Variants in ZNF516 observed in about 807,000 individuals in gnomAD.
ZNF516 encodes the protein zinc finger protein 516.
ZNF516 carries 19 observed loss-of-function variants against 79.7 expected under a neutral mutation model. The ratio of observed to expected loss-of-function variants is 0.24; its 90% CI spans 0.17 to 0.35. The LOEUF is 0.35. Among genes scored for constraint, ZNF516 ranks in the 10% least tolerant of loss-of-function variants. The probability of loss-of-function intolerance (pLI) is 1.00; values close to 1 mark genes in which losing one functional copy is unlikely to be tolerated. For synonymous variants in ZNF516, 877 were observed against 739.5 expected, an observed-to-expected ratio of 1.19 and a Z score of -3.02; for missense variants, 1,678 against 1,679.5, an observed-to-expected ratio of 1.00 and a Z score of 0.02.
At chr18:76,405,574 C>A (rs1328945660) in intron 3 of ZNF516, among the ~76,000 whole-genome samples, 1 of 152,090 alleles carries the variant, frequency 6.6e-6, no homozygotes, top group African/African-American at 2.4e-5. Context: ...TTCCCTTCTA[C>A]CCCTTTCACT....
Position 76,378,966 on chromosome 18 carries a change from C to G in ZNF516, c.3148G>C (p.Gly1050Arg). ...HSIKQEPVAE[G>R]HEKRLDILNI... Reference sequence around the variant, plus strand: ...AGGATGTCCAGGCGCTTCTCATGCCCCTCGGCCACCGGCTCCTGTTTGATG... The same window carrying G: ...AGGATGTCCAGGCGCTTCTCATGCCGCTCGGCCACCGGCTCCTGTTTGATG... The change falls in exon 4 of 7, where the codon GGG becomes CGG. Residue 1050 changes from glycine (G) to arginine (R), a missense_variant. Physicochemically the swap from Gly to Arg is moderately radical, Grantham distance 125 (BLOSUM62 -2). Coordinates refer to ENST00000443185, the MANE Select transcript of ZNF516 (RefSeq NM_014643.4). 1 of 1,613,740 alleles carries G rather than the reference C, an allele frequency of 6.2e-7. No individual in the cohort carries two copies. Among genetic ancestry groups the G allele is most frequent in the East Asian group, 2.2e-5 (1 of 44,866 alleles).
At chr18:76,492,819 G>T in intron 1 of ZNF516, 1 of 986,126 alleles carries the variant, frequency 1.0e-6, no homozygotes, top group Non-Finnish European at 1.2e-6. Context: ...CGGAGGGGGA[G>T]GCGCTCCGTG....
intron 2 of ZNF516, among the ~76,000 whole-genome samples, chr18:76,456,526 C>A (rs1389456454): frequency 2.0e-5 from 3 of 152,158 alleles, no homozygotes; most frequent in African/African-American, 7.2e-5. Flanking sequence ...GGAGTCCACC[C>A]AAGTCCAGAG....
intron 2 of ZNF516, among the ~76,000 whole-genome samples, chr18:76,458,825 G>C (rs529476084): frequency 6.7e-6 from 1 of 148,706 alleles, no homozygotes; most frequent in Non-Finnish European, 1.5e-5. Flanking sequence ...GTGCGTGTGC[G>C]TGCCTCACCG....
At chr18:76,364,022 T>C (rs867796992) in intron 6 of ZNF516, among the ~76,000 whole-genome samples, 1 of 152,194 alleles carries the variant, frequency 6.6e-6, no homozygotes, top group African/African-American at 2.4e-5. Flanking sequence ...CAGACTTGCA[T>C]TGGGTTAGGC....
intron 3 of ZNF516, among the ~76,000 whole-genome samples, chr18:76,438,245 G>A (rs1215017637): frequency 1.3e-5 from 2 of 152,186 alleles, no homozygotes; most frequent in African/African-American, 4.8e-5. Flanking sequence ...TCGCCTAAAT[G>A]CTTTCTGAGC....
chr18:76,461,809 T>G (rs1913129602), intron 2 of ZNF516, among the ~76,000 whole-genome samples: 1 of 152,208 alleles, frequency 6.6e-6, no homozygotes, highest in Admixed American at 6.5e-5. Flanking sequence ...GGCCCAGGTC[T>G]CATCAGATGG....
chr18:76,470,328 T>C (rs1333176662), intron 1 of ZNF516, among the ~76,000 whole-genome samples: 2 of 152,164 alleles, frequency 1.3e-5, no homozygotes, highest in Non-Finnish European at 2.9e-5. Flanking sequence ...AATTCATATA[T>C]ATATAGAAAA....
In ZNF516 at chr18:76,359,643, G is replaced by C. The variant is rs535739215; in HGVS notation, c.*2855C>G. On this transcript the variant is annotated 3_prime_UTR_variant, in exon 7 of 7. Transcript: ENST00000443185. The stretch of plus-strand genomic sequence containing the variant: ...AGCGGGAAGCAGCGAGCGGAAAGCA[G>C]GGGAGAGACACCGAGAAGCTGCAGT... 6.6e-6 allele frequency: 1 copy of C among 152,232 alleles called. No homozygotes were observed. The highest frequency in any genetic ancestry group is 1.9e-4 in the East Asian group (1 of 5,148). The allele number at this position is 152,232 out of a possible 1,614,324, so 9.4% of individuals were successfully genotyped here. A position where few individuals can be genotyped will look rare whatever the true frequency, so the allele number is the denominator to read the frequency against.
At chr18:76,422,076 C>T (rs568766177) in intron 3 of ZNF516, among the ~76,000 whole-genome samples, 1 of 152,210 alleles carries the variant, frequency 6.6e-6, no homozygotes, top group South Asian at 2.1e-4. Context: ...AAGGTAAATC[C>T]CAGAAAAATT....
At chr18:76,387,176 A>T (rs1207081398) in intron 3 of ZNF516, 1 of 152,328 alleles carries the variant, frequency 6.6e-6, no homozygotes, top group African/African-American at 2.4e-5. Flanking sequence ...ACATCAGCTC[A>T]GGTCAGACAC....
At chr18:76,472,610 T>C (rs1913912602) in intron 1 of ZNF516, among the ~76,000 whole-genome samples, 1 of 152,242 alleles carries the variant, frequency 6.6e-6, no homozygotes. Context: ...TGACCCACTT[T>C]TCTGCTGCTT....
intron 3 of ZNF516, among the ~76,000 whole-genome samples, chr18:76,396,255 T>G (rs2075144860): frequency 2.6e-5 from 4 of 152,046 alleles, no homozygotes; most frequent in Admixed American, 2.6e-4. Flanking sequence ...CATACAAGTG[T>G]ATGGGCATGG....
intron 2 of ZNF516, among the ~76,000 whole-genome samples, chr18:76,449,784 G>C (rs1190858469): frequency 6.6e-6 from 1 of 152,180 alleles, no homozygotes; most frequent in Non-Finnish European, 1.5e-5. Flanking sequence ...ACAATACATG[G>C]TTTAATAAAT....
intron 3 of ZNF516, among the ~76,000 whole-genome samples, chr18:76,405,734 G>A (rs2075295780): frequency 6.6e-6 from 1 of 152,014 alleles, no homozygotes; most frequent in Non-Finnish European, 1.5e-5. Flanking sequence ...TGACTCCGCT[G>A]ACACACGCGT....
At chr18:76,378,800 G>A in intron 4 of ZNF516, 55 bp downstream of exon 4, 1 of 1,569,094 alleles carries the variant, frequency 6.4e-7, no homozygotes, top group Non-Finnish European at 8.6e-7. Context: ...GGCCCTCCGG[G>A]GGTGGTTCTG....
chr18:76,458,673 G>T (rs901130299), intron 2 of ZNF516, among the ~76,000 whole-genome samples: 2 of 146,354 alleles, frequency 1.4e-5, no homozygotes, highest in Non-Finnish European at 3.0e-5. Context: ...CCTCACCGTC[G>T]TGTGTGCGTG....
chr18:76,411,211 G>C (rs994907090), intron 3 of ZNF516, among the ~76,000 whole-genome samples: 1 of 152,220 alleles, frequency 6.6e-6, no homozygotes, highest in Non-Finnish European at 1.5e-5. Context: ...ACGAAGGACT[G>C]TGCAGCCTTG....
At chr18:76,477,179 A>C (rs577042312) in intron 1 of ZNF516, among the ~76,000 whole-genome samples, 3 of 152,332 alleles carry the variant, frequency 2.0e-5, no homozygotes, top group African/African-American at 7.2e-5. Context: ...ATGCTAGTCG[A>C]TCTTACGTTC....
Sources: gnomAD v4.1 joint callset for allele counts (sites outside exome capture counted in the v4.1 genomes callset) on GRCh38, gnomAD v4.1.1 for gene constraint, MANE v1.5 for transcripts, NCBI Gene and HGNC (gene_info 2026-07-23, HGNC 2026-07-21) for gene names.